The following LPAR1 variants were observed in gnomAD, a reference collection of about 807,000 sequenced individuals.
LPAR1 encodes LPA receptor 1.
A neutral mutation model predicts 23.8 loss-of-function variants in LPAR1; 5 were observed. The observed-to-expected ratio is 0.21, with a 90% CI of 0.11 to 0.44. LPAR1 has a LOEUF of 0.44. Among genes scored for constraint, LPAR1 ranks in the 20% least tolerant of loss-of-function variants. The pLI is 0.99. For missense variants in LPAR1, 311 were observed against 482.8 expected (o/e 0.64, Z 3.33); for synonymous variants, 160 against 164.7 (o/e 0.97, Z 0.22).
At chr9:111,001,627 C>G (rs1301846333) in intron 2 of LPAR1, among the ~76,000 whole-genome samples, 1 of 152,148 alleles carries the variant, frequency 6.6e-6, no homozygotes, top group African/African-American at 2.4e-5. Flanking sequence ...TTTGACTGGC[C>G]TAGGGGAACT....
intron 4 of LPAR1, among the ~76,000 whole-genome samples, chr9:110,966,250 G>A (rs1223441628): frequency 6.6e-6 from 1 of 152,088 alleles, no homozygotes; most frequent in Non-Finnish European, 1.5e-5. Context: ...GCAGGCCAAG[G>A]TGGGCGGATC....
At chr9:110,949,277 A>G (rs1413708301) in intron 4 of LPAR1, among the ~76,000 whole-genome samples, 1 of 152,186 alleles carries the variant, frequency 6.6e-6, no homozygotes, top group Non-Finnish European at 1.5e-5. Context: ...GGAAAAAAAC[A>G]CAGGAGGATG....
At chr9:111,024,495 T>A (rs985128433) in intron 2 of LPAR1, among the ~76,000 whole-genome samples, 2 of 147,304 alleles carry the variant, frequency 1.4e-5, no homozygotes, top group Non-Finnish European at 3.0e-5. Context: ...TTTATATATT[T>A]ATATATACAT....
intron 5 of LPAR1, among the ~76,000 whole-genome samples, chr9:110,901,708 G>C (rs960676875): frequency 1.3e-5 from 2 of 150,208 alleles, no homozygotes; most frequent in Non-Finnish European, 3.0e-5. Flanking sequence ...ATGAGATTTG[G>C]GTGGGGACAC....
intron 5 of LPAR1, among the ~76,000 whole-genome samples, chr9:110,885,200 T>G (rs1362582516): frequency 1.3e-5 from 2 of 152,382 alleles, no homozygotes; most frequent in South Asian, 2.1e-4. Flanking sequence ...ATTTTGTGTT[T>G]CCTATACTAT....
chr9:110,973,869 T>C (rs889548616), intron 2 of LPAR1, among the ~76,000 whole-genome samples: 2 of 152,220 alleles, frequency 1.3e-5, no homozygotes, highest in African/African-American at 4.8e-5. Context: ...TATCTTTTCT[T>C]TTATTCAAAA....
intron 5 of LPAR1, among the ~76,000 whole-genome samples, chr9:110,914,817 A>G (rs1036627772): frequency 6.6e-6 from 1 of 152,122 alleles, no homozygotes; most frequent in Non-Finnish European, 1.5e-5. Flanking sequence ...TGCTGAGATG[A>G]TACTTCTGTG....
intron 2 of LPAR1, among the ~76,000 whole-genome samples, chr9:111,010,813 A>G (rs1027132784): frequency 6.6e-6 from 1 of 152,218 alleles, no homozygotes; most frequent in East Asian, 1.9e-4. Flanking sequence ...TTGAGTTCAC[A>G]TAAAATGTCA....
At chr9:110,976,266 G>T (rs933257125) in intron 2 of LPAR1, among the ~76,000 whole-genome samples, 1 of 151,360 alleles carries the variant, frequency 6.6e-6, no homozygotes, top group Non-Finnish European at 1.5e-5. Context: ...GCCGATGTGG[G>T]TGGATCATGA....
intron 2 of LPAR1, among the ~76,000 whole-genome samples, chr9:110,973,871 T>C (rs1031278586): frequency 6.6e-6 from 1 of 152,232 alleles, no homozygotes; most frequent in African/African-American, 2.4e-5. Context: ...TCTTTTCTTT[T>C]ATTCAAAAGA....
At chr9:110,957,681 C>A (rs1163234490) in intron 4 of LPAR1, among the ~76,000 whole-genome samples, 1 of 152,112 alleles carries the variant, frequency 6.6e-6, no homozygotes, top group Non-Finnish European at 1.5e-5. Flanking sequence ...TGGAACAACA[C>A]AGCATGCCCA....
At chr9:110,883,604 T>TAAGAGA (rs1487573121) in intron 5 of LPAR1, among the ~76,000 whole-genome samples, 6 of 152,348 alleles carry the variant, frequency 3.9e-5, no homozygotes, top group African/African-American at 1.4e-4. Context: ...TGTGATGCCC[T>TAAGAGA]TAATTCTCTT....
chr9:110,941,952 T>G lies in LPAR1; in HGVS notation c.262A>C (p.Met88Leu). 1 of 1,614,056 alleles carries G rather than the reference T, an allele frequency of 6.2e-7. No homozygotes were observed. The highest frequency in any genetic ancestry group is 8.5e-7 in the Non-Finnish European group (1 of 1,179,970). Residue 88 changes from methionine (M) to leucine (L), a missense_variant, in exon 5 of 6, where the codon ATG (methionine) becomes CTG (leucine). Physicochemically the swap from Met to Leu is conservative, Grantham distance 15. Around this residue, in one of 2 missense-constraint regions of LPAR1, gnomAD observed 250 missense variants for 427.2 expected, o/e 0.59. Transcript: ENST00000683809. This position sits in a 1 kb window ranked among gnomAD's most constrained non-coding sequence, Gnocchi z 6.1. The part of the protein sequence containing the change: ...RRFHFPIYYL[M>L]ANLAAADFFA... ...AAGTCTGCAGCAGCCAGATTAGCCATTAGGTAATAAATAGGAAAATGGAAG... is the reference window on the plus strand; with the variant it reads ...AAGTCTGCAGCAGCCAGATTAGCCAGTAGGTAATAAATAGGAAAATGGAAG...
chr9:110,919,542 A>G (rs2093463714), intron 5 of LPAR1, among the ~76,000 whole-genome samples: 2 of 152,322 alleles, frequency 1.3e-5, no homozygotes, highest in South Asian at 4.1e-4. Flanking sequence ...ATAGAAAATG[A>G]ATACAACACC....
At chr9:110,988,677 TATAC>T (rs2096838605) in intron 2 of LPAR1, among the ~76,000 whole-genome samples, 2 of 152,140 alleles carry the variant, frequency 1.3e-5, no homozygotes, top group Admixed American at 6.6e-5. Flanking sequence ...TTGGAACCCT[TATAC>T]ATTGCTGGTG....
chr9:110,917,450 A>T (rs541234448), intron 5 of LPAR1, among the ~76,000 whole-genome samples: 30 of 152,322 alleles, frequency 2.0e-4, no homozygotes, highest in African/African-American at 7.0e-4. Context: ...TTCTTGAGGG[A>T]GCCAACCAAT....
chr9:110,937,199 A>G (rs2094769525), intron 5 of LPAR1, among the ~76,000 whole-genome samples: 1 of 152,242 alleles, frequency 6.6e-6, no homozygotes, highest in Non-Finnish European at 1.5e-5. Context: ...TTCTCTGCCC[A>G]GGGAAACAAA....
intron 5 of LPAR1, among the ~76,000 whole-genome samples, chr9:110,936,838 G>A (rs1008279473): frequency 6.6e-6 from 1 of 152,082 alleles, no homozygotes; most frequent in Non-Finnish European, 1.5e-5. Context: ...AAGTATCCTG[G>A]ACAGAAGTGT....
intron 2 of LPAR1, among the ~76,000 whole-genome samples, chr9:111,015,297 C>T (rs1187982848): frequency 6.6e-6 from 1 of 152,164 alleles, no homozygotes; most frequent in Non-Finnish European, 1.5e-5. Context: ...ACGGTATTGT[C>T]ATCCATTCAC....
Sources: allele counts gnomAD v4.1 joint callset (sites outside exome capture counted in the v4.1 genomes callset), GRCh38; gene constraint gnomAD v4.1.1; regional missense constraint gnomAD v4.1.1; non-coding constraint Gnocchi (gnomAD v3.1); transcripts MANE v1.5; gene names NCBI Gene and HGNC (gene_info 2026-07-23, HGNC 2026-07-21).